ARHGEF16: variants seen among roughly 807,000 people sequenced by gnomAD.
ARHGEF16 encodes the protein Rho guanine exchange factor (GEF) 16.
Under a neutral mutation model 74.1 loss-of-function variants are expected in ARHGEF16, and 59 were observed. The ratio of observed to expected loss-of-function variants is 0.80; its 90% confidence interval spans 0.65 to 0.99. The LOEUF (loss-of-function observed/expected upper bound fraction) is 0.99, where lower values mean the gene tolerates loss of function less well. ARHGEF16 is among the 50% of genes least tolerant of loss of function. The pLI, the probability that ARHGEF16 is intolerant of heterozygous loss-of-function variation, is 0.00. For synonymous variants in ARHGEF16, 415 were observed against 412.6 expected (o/e 1.01, Z -0.07); for missense variants, 948 against 986.6 (o/e 0.96, Z 0.52).
chr1:3,455,228 C>T (rs1639239756), intron 1 of ARHGEF16, among the ~76,000 whole-genome samples: 1 of 151,838 alleles, frequency 6.6e-6, no homozygotes, highest in African/African-American at 2.4e-5. Context: ...GGGTGGGGGG[C>T]GGAACAGAAC....
intron 3 of ARHGEF16, among the ~76,000 whole-genome samples, chr1:3,466,520 C>T (rs985573531): frequency 4.6e-5 from 7 of 151,908 alleles, no homozygotes; most frequent in African/African-American, 1.7e-4. Flanking sequence ...AAGGCCAGAT[C>T]AGAGGGCACC....
At chr1:3,470,860 G>T (rs1486824093) in intron 6 of ARHGEF16, among the ~76,000 whole-genome samples, 2 of 149,964 alleles carry the variant, frequency 1.3e-5, no homozygotes, top group Non-Finnish European at 1.5e-5. Context: ...ACAGGTGTGT[G>T]TGCGTGGGCA....
intron 8 of ARHGEF16, 30 bp downstream of exon 8, chr1:3,473,552 G>A: frequency 6.2e-7 from 1 of 1,601,822 alleles, no homozygotes. Flanking sequence ...GTGGGGCCGG[G>A]CATACCATCC....
intron 2 of ARHGEF16, among the ~76,000 whole-genome samples, chr1:3,465,142 A>G (rs1048765549): frequency 2.0e-5 from 3 of 152,222 alleles, no homozygotes; most frequent in African/African-American, 7.2e-5. Context: ...CCGTTCATTC[A>G]TTCACTGTTT....
At chr1:3,463,818 A>G (rs2100737437) in intron 2 of ARHGEF16, 146 bp downstream of exon 2, 2 of 636,284 alleles carry the variant, frequency 3.1e-6, no homozygotes, top group Middle Eastern at 3.8e-4. Context: ...GGTTTATTCC[A>G]GTTCAGCCCA....
chr1:3,467,797 C>T (rs1375991324), intron 4 of ARHGEF16, among the ~76,000 whole-genome samples: 3 of 152,146 alleles, frequency 2.0e-5, no homozygotes, highest in Non-Finnish European at 4.4e-5. Context: ...GAGCGTGGCC[C>T]GGCATTGGTC....
In ARHGEF16 at chr1:3,463,224, A is replaced by G. The variant is rs550059606; in HGVS notation, c.140A>G (p.Asp47Gly). The G allele has an allele frequency of 1.9e-6, 3 of 1,547,516 alleles. No homozygotes were observed. Among genetic ancestry groups the G allele is most frequent in the African/African-American group, 2.7e-5 (2 of 73,080 alleles). ...MVRGSPRVRD[D>G]AAFQPQVPAP... is the part of the protein sequence containing the mutation. ...CGTGGCTCCCCGCGTGTTAGAGACGATGCCGCCTTCCAGCCCCAGGTCCCG... is the reference window on the plus strand; with the variant it reads ...CGTGGCTCCCCGCGTGTTAGAGACGGTGCCGCCTTCCAGCCCCAGGTCCCG... Residue 47 changes from aspartate to glycine, a missense_variant, in exon 2 of 15, where the codon GAT becomes GGT. Asp to Gly is a moderately conservative substitution (Grantham distance 94). Coordinates refer to ENST00000378378, the MANE Select transcript of ARHGEF16 (RefSeq NM_014448.4).
intron 4 of ARHGEF16, chr1:3,468,451 G>A (rs7554513): frequency 0.047 from 9,330 of 199,304 alleles, 297 homozygotes; most frequent in Non-Finnish European, 0.07. Flanking sequence ...CGGAAACAGC[G>A]TCACCCATAG....
chr1:3,457,832 A>G (rs1639301441), intron 1 of ARHGEF16, among the ~76,000 whole-genome samples: 1 of 152,070 alleles, frequency 6.6e-6, no homozygotes, highest in African/African-American at 2.4e-5. Context: ...CCCCATAACT[A>G]TATGTGTTGG....
chr1:3,456,699 G>A (rs1221713963), intron 1 of ARHGEF16, among the ~76,000 whole-genome samples: 2 of 152,234 alleles, frequency 1.3e-5, no homozygotes, highest in Non-Finnish European at 2.9e-5. Context: ...GTCCTACAGC[G>A]GGTGAACGGG....
At chr1:3,462,253 G>A (rs936906508) in intron 1 of ARHGEF16, among the ~76,000 whole-genome samples, 25 of 152,156 alleles carry the variant, frequency 1.6e-4, no homozygotes, top group African/African-American at 5.6e-4. Context: ...CTGGACTCTC[G>A]GGCTGGTGAC....
intron 6 of ARHGEF16, chr1:3,471,892 C>T (rs1275512731): frequency 8.3e-6 from 8 of 960,368 alleles, no homozygotes; most frequent in Non-Finnish European, 1.0e-5. Flanking sequence ...GTACGCATGT[C>T]GTGGCCCTGC....
rs1378444065 is a variant in ARHGEF16, at chr1:3,466,241, T to G, written c.634+48T>G. 22 of 1,517,526 alleles carry G rather than the reference T, an allele frequency of 1.4e-5. No homozygotes were observed. In the East Asian group the frequency reaches 5.6e-4, roughly 39 times the overall value. 94.0% of individuals were successfully genotyped at this position (1,517,526 alleles called of 1,614,324 possible). A position where few individuals can be genotyped will look rare whatever the true frequency, so the allele number is the denominator to read the frequency against. ...CCGCGGGCTGGGCTCCAGTTGAAAC[T>G]GGTCTCACTGGGGCACCCTGGGGTT... On this transcript the variant is annotated intron_variant, in intron 3 of 14. Coordinates refer to ENST00000378378, the MANE Select transcript of ARHGEF16 (RefSeq NM_014448.4).
At chr1:3,472,450 G>A (rs921348010) in intron 6 of ARHGEF16, among the ~76,000 whole-genome samples, 16 of 151,842 alleles carry the variant, frequency 1.1e-4, no homozygotes, top group African/African-American at 3.4e-4. Flanking sequence ...GCCCCCCCCC[G>A]GCCTTGACTG....
Position 3,473,123 on chromosome 1 carries a change from C to A in ARHGEF16, c.1068C>A (p.Val356=), listed in dbSNP as rs1290751633. 2 of 1,613,448 alleles carry A rather than the reference C, an allele frequency of 1.2e-6. No homozygotes were observed. The highest frequency in any genetic ancestry group is 1.7e-6 in the Non-Finnish European group (2 of 1,180,002). The change falls in exon 7 of 15, where the codon GTC becomes GTA. Residue 356 remains valine (V), a synonymous_variant. Transcript: ENST00000378378. ...AGCGGCACAAGGCCCAGGTGCTGGTCGAGGACATCAGTGACATCCTGGAGG... is the reference window on the plus strand; with the variant it reads ...AGCGGCACAAGGCCCAGGTGCTGGTAGAGGACATCAGTGACATCCTGGAGG... ...LEQRHKAQVL[V]EDISDILEEH...
At position 3,468,875 on chromosome 1, in the gene ARHGEF16, C is replaced by T; in HGVS notation, c.805-5C>T. The T allele has an allele frequency of 6.4e-7, 1 of 1,550,392 alleles. No homozygotes were observed. Among genetic ancestry groups the T allele is most frequent in the Non-Finnish European group, 8.7e-7 (1 of 1,146,866 alleles). On this transcript the variant is annotated splice_polypyrimidine_tract_variant and splice_region_variant and intron_variant, in intron 4 of 14. Coordinates refer to ENST00000378378, the MANE Select transcript of ARHGEF16 (RefSeq NM_014448.4). ...CCGAGAGCTCCTGGGCCTGTGTCCC[C>T]CCAGGTGGTGGAATTGGGCATCCTG...
rs964594839 is a variant in ARHGEF16 at position 3,479,596 on chromosome 1, T to C, written c.1888+6T>C. ...GGGCCTCTCCAGCAAAGGAGGTGAG[T>C]GCGGGCTGGGGCCTGCAGGGCTGGC... On this transcript the variant is annotated splice_donor_region_variant and intron_variant, in intron 13 of 14. Coordinates refer to ENST00000378378, the MANE Select transcript of ARHGEF16 (RefSeq NM_014448.4). 1 of 1,610,224 alleles carries C rather than the reference T, an allele frequency of 6.2e-7. No individual in the cohort carries two copies. Among genetic ancestry groups the C allele is most frequent in the Non-Finnish European group, 8.5e-7 (1 of 1,178,938 alleles).
Position 3,480,576 on chromosome 1 carries a change from A to G in ARHGEF16, c.2119A>G (p.Thr707Ala), listed in dbSNP as rs886649014. 1.1e-5 allele frequency: 18 copies of G among 1,607,460 alleles called. No homozygotes were observed. The highest frequency in any genetic ancestry group is 3.3e-5 in the Admixed American group (2 of 59,986). The change falls in exon 15 of 15, where the codon ACG becomes GCG. Residue 707 changes from threonine to alanine, a missense_variant. Thr to Ala is a moderately conservative substitution (Grantham distance 58). Coordinates refer to ENST00000378378, the MANE Select transcript of ARHGEF16 (RefSeq NM_014448.4). ...VRRMERLRVE[T>A]DV ...CAGGATGGAGCGTCTGCGGGTGGAG[A>G]CGGACGTGTAGCCCTGGCGAGGCCA...
In ARHGEF16 at chr1:3,477,899, CGGT is replaced by C; in HGVS notation, c.1501_1503del (p.Trp501del). ...GTCCCTCCCACTGATCTCTGCCTCCCGGTGGCTGCTGAAGCGCGGAGAGCTGTT... is the reference window on the plus strand; with the variant it reads ...GTCCCTCCCACTGATCTCTGCCTCCCGGCTGCTGAAGCGCGGAGAGCTGTT... On this transcript the variant is annotated inframe_deletion, in exon 11 of 15. Coordinates refer to ENST00000378378, the MANE Select transcript of ARHGEF16 (RefSeq NM_014448.4). The C allele has an allele frequency of 2.5e-6, 4 of 1,612,632 alleles. No individual in the cohort carries two copies. The highest frequency in any genetic ancestry group is 3.4e-6 in the Non-Finnish European group (4 of 1,179,894).
Sources: gnomAD v4.1 joint callset for allele counts (sites outside exome capture counted in the v4.1 genomes callset) on GRCh38, gnomAD v4.1.1 for gene constraint, MANE v1.5 for transcripts, NCBI Gene and HGNC (gene_info 2026-07-23, HGNC 2026-07-21) for gene names.